The following INSR variants were observed in gnomAD, a reference collection of about 807,000 sequenced individuals.
INSR encodes the protein insulin receptor, also known as IR.
A neutral mutation model predicts 142.6 loss-of-function variants in INSR; 67 were observed. That is an observed-to-expected ratio of 0.47 (90% CI 0.39 to 0.58). The LOEUF (loss-of-function observed/expected upper bound fraction) is 0.58. Ranked by LOEUF, INSR falls within the 20% of genes least tolerant of loss-of-function variation. The pLI is 0.00. For synonymous variants in INSR, 756 were observed against 743.1 expected, an observed-to-expected ratio of 1.02 and a Z score of -0.28; for missense variants, 1,248 against 1,833.2, an observed-to-expected ratio of 0.68 and a Z score of 5.83.
Position 7,152,914 on chromosome 19 carries a change from G to C in INSR, c.2043C>G (p.Pro681=), listed in dbSNP as rs997508062. 1.1e-5 allele frequency: 17 copies of C among 1,611,352 alleles called. No homozygotes were observed. Among genetic ancestry groups the C allele is most frequent in the African/African-American group, 1.3e-5 (1 of 74,540 alleles). The part of the protein sequence containing the change: ...LDYCLKGLKL[P]SRTWSPPFES... ...CGAATGGTGGAGACCAGGTCCTCGAGGGCAGCTTCAGCCCTGGAGAAAGAA... is the reference window on the plus strand; with the variant it reads ...CGAATGGTGGAGACCAGGTCCTCGACGGCAGCTTCAGCCCTGGAGAAAGAA... Residue 681 remains proline (P), a synonymous_variant, in exon 10 of 22, where the codon CCC becomes CCG. Coordinates refer to ENST00000302850, the MANE Select transcript of INSR (RefSeq NM_000208.4).
chr19:7,277,104 G>A (rs777411593), intron 1 of INSR, among the ~76,000 whole-genome samples: 2 of 152,104 alleles, frequency 1.3e-5, no homozygotes, highest in Non-Finnish European at 2.9e-5. Flanking sequence ...GTCTCTGGCT[G>A]TGTATACCTG....
intron 1 of INSR, among the ~76,000 whole-genome samples, chr19:7,275,786 C>CA (rs1440947204): frequency 0.05 from 5,111 of 103,212 alleles, 195 homozygotes; most frequent in East Asian, 0.19. Flanking sequence ...GACTCCATCT[C>CA]AAAAAAAAAA....
At chr19:7,211,704 G>A (rs1324502394) in intron 2 of INSR, among the ~76,000 whole-genome samples, 1 of 152,182 alleles carries the variant, frequency 6.6e-6, no homozygotes, top group Non-Finnish European at 1.5e-5. Context: ...ACTGAAAGCT[G>A]CAGGGTCAGG....
In INSR at chr19:7,267,300, A is replaced by G. The variant is rs757142979; in HGVS notation, c.652+45T>C. 1 of 1,595,964 alleles carries G rather than the reference A, an allele frequency of 6.3e-7. No homozygotes were observed. The highest frequency in any genetic ancestry group is 1.1e-5 in the South Asian group (1 of 90,562). On this transcript the variant is annotated intron_variant, in intron 2 of 21. Transcript: ENST00000302850. The surrounding 1 kb of genome is among the most constrained non-coding windows in gnomAD (Gnocchi z 6.3). ...CCATAAAACATTTTAAGCTTTCTAG[A>G]ACAAGGCACGAGACACTGCTTAGAA...
intron 19 of INSR, among the ~76,000 whole-genome samples, chr19:7,121,871 A>G (rs1302540996): frequency 6.6e-6 from 1 of 152,236 alleles, no homozygotes; most frequent in African/African-American, 2.4e-5. Flanking sequence ...AGCCAGGCAC[A>G]GTGGCTCATG....
intron 2 of INSR, among the ~76,000 whole-genome samples, chr19:7,203,465 G>A (rs1200392827): frequency 1.3e-5 from 2 of 152,172 alleles, no homozygotes; most frequent in African/African-American, 2.4e-5. Context: ...GAGGAAGTGG[G>A]AACGGGATGA....
intron 13 of INSR, among the ~76,000 whole-genome samples, chr19:7,136,578 G>C (rs1404297297): frequency 1.3e-5 from 2 of 151,796 alleles, no homozygotes; most frequent in Non-Finnish European, 2.9e-5. Context: ...TCACTATTAG[G>C]AATTCCCATC....
chr19:7,252,362 C>T (rs900160934), intron 2 of INSR, among the ~76,000 whole-genome samples: 4 of 151,862 alleles, frequency 2.6e-5, no homozygotes, highest in African/African-American at 4.8e-5. Context: ...GCTGAGATCA[C>T]GCCACTGCAC....
At chr19:7,233,370 C>T (rs1331662718) in intron 2 of INSR, among the ~76,000 whole-genome samples, 1 of 152,162 alleles carries the variant, frequency 6.6e-6, no homozygotes, top group Non-Finnish European at 1.5e-5. Context: ...CCCAGAGCCC[C>T]ACGGCTACTA....
At chr19:7,247,963 G>A (rs997404643) in intron 2 of INSR, among the ~76,000 whole-genome samples, 13 of 151,988 alleles carry the variant, frequency 8.6e-5, no homozygotes, top group South Asian at 2.1e-4. Flanking sequence ...AGTGGACAGC[G>A]TCATTCTAGA....
chr19:7,249,585 C>A (rs1336849670), intron 2 of INSR, among the ~76,000 whole-genome samples: 2 of 152,116 alleles, frequency 1.3e-5, no homozygotes, highest in African/African-American at 4.8e-5. Context: ...AATGGGTACA[C>A]CTGTAATCCC....
chr19:7,234,858 A>G (rs1976108341), intron 2 of INSR, among the ~76,000 whole-genome samples: 1 of 152,040 alleles, frequency 6.6e-6, no homozygotes, highest in Non-Finnish European at 1.5e-5. Context: ...GGAGATCGAC[A>G]CCATCCTGAC....
At chr19:7,265,563 C>A (rs74953724) in intron 2 of INSR, among the ~76,000 whole-genome samples, 3,204 of 152,014 alleles carry the variant, frequency 0.021, 110 homozygotes, top group East Asian at 0.16. Flanking sequence ...AGTGAAATCT[C>A]GTCTCTACTA....
At chr19:7,275,130 C>G (rs1968027651) in intron 1 of INSR, among the ~76,000 whole-genome samples, 1 of 151,908 alleles carries the variant, frequency 6.6e-6, no homozygotes, top group African/African-American at 2.4e-5. Context: ...CATGCACTAC[C>G]ACATCCAGAT....
At chr19:7,232,368 C>T (rs1194390669) in intron 2 of INSR, among the ~76,000 whole-genome samples, 71 of 152,070 alleles carry the variant, frequency 4.7e-4, no homozygotes, top group Admixed American at 4.6e-3. Flanking sequence ...CGCACCATCA[C>T]GTCTGGCTAA....
intron 2 of INSR, among the ~76,000 whole-genome samples, chr19:7,189,844 A>C (rs1219334158): frequency 1.3e-5 from 2 of 151,870 alleles, no homozygotes; most frequent in Non-Finnish European, 2.9e-5. Context: ...TTGTATTTTT[A>C]GTAGAGACTG....
intron 1 of INSR, among the ~76,000 whole-genome samples, chr19:7,280,961 T>C (rs1428616024): frequency 6.6e-6 from 1 of 152,060 alleles, no homozygotes; most frequent in Non-Finnish European, 1.5e-5. Flanking sequence ...GGCCAGGGAC[T>C]AGGAAGGGCA....
chr19:7,167,468 C>CA (rs1282256098), intron 7 of INSR, among the ~76,000 whole-genome samples: 2 of 151,444 alleles, frequency 1.3e-5, no homozygotes, highest in Non-Finnish European at 2.9e-5. Flanking sequence ...CTCAGCTACT[C>CA]AAGAGACTGA....
At chr19:7,282,682 A>G (rs1464340859) in intron 1 of INSR, among the ~76,000 whole-genome samples, 1 of 151,482 alleles carries the variant, frequency 6.6e-6, no homozygotes, top group African/African-American at 2.4e-5. Flanking sequence ...ACTGCTCAAA[A>G]TAATAATAAT....
Sources: gnomAD v4.1 joint callset for allele counts (sites outside exome capture counted in the v4.1 genomes callset) on GRCh38, gnomAD v4.1.1 for gene constraint, Gnocchi (gnomAD v3.1) non-coding constraint, MANE v1.5 for transcripts, NCBI Gene and HGNC (gene_info 2026-07-23, HGNC 2026-07-21) for gene names.